MYRIP: variants seen among roughly 807,000 people sequenced by gnomAD.
MYRIP encodes the protein myosin VIIA and Rab interacting protein, also known as rab effector MyRIP.
Under a neutral mutation model 98.0 loss-of-function variants are expected in MYRIP, and 49 were observed. That is an observed-to-expected ratio of 0.50 (90% CI 0.40 to 0.63). The LOEUF is 0.63. Among genes scored for constraint, MYRIP ranks in the 30% least tolerant of loss-of-function variants. The pLI, the probability that MYRIP is intolerant of heterozygous loss-of-function variation, is 0.00. For missense variants in MYRIP, 1,004 were observed against 1,058.2 expected (o/e 0.95, Z 0.71); for synonymous variants, 404 against 409.5 (o/e 0.99, Z 0.16).
chr3:39,957,350 C>A (rs1195713612), intron 2 of MYRIP, among the ~76,000 whole-genome samples: 1 of 149,926 alleles, frequency 6.7e-6, no homozygotes, highest in Non-Finnish European at 1.5e-5. Context: ...GGGCTTCATC[C>A]CTGGGATGCA....
chr3:39,870,109 A>G (rs1054642751), intron 1 of MYRIP, among the ~76,000 whole-genome samples: 4 of 152,142 alleles, frequency 2.6e-5, no homozygotes, highest in African/African-American at 4.8e-5. Flanking sequence ...GGCAAGGGCA[A>G]GGGCAGGGGC....
intron 2 of MYRIP, among the ~76,000 whole-genome samples, chr3:39,985,148 T>C (rs34150582): frequency 0.27 from 41,569 of 151,454 alleles, 6,356 homozygotes; most frequent in Non-Finnish European, 0.35. Flanking sequence ...TCACAAGCAT[T>C]CTTATACACC....
In MYRIP at chr3:39,816,896, TC is replaced by T. The variant is rs562400928; in HGVS notation, c.-31+6981del. 1.8e-3 allele frequency among the ~76,000 whole-genome samples: 276 copies of T among 152,312 alleles called. 1 individual carries two copies. The highest frequency in any genetic ancestry group is 3.5e-3 in the Admixed American group (54 of 15,300). ...TTATAAAATATTCATTTTCTGAATCTCACTAGTTATTAAGCCTCTGTAATGA... is the reference window on the plus strand; with the variant it reads ...TTATAAAATATTCATTTTCTGAATCTACTAGTTATTAAGCCTCTGTAATGA... On this transcript the variant is annotated intron_variant, in intron 1 of 16. Transcript: ENST00000302541.
chr3:40,052,030 T>C (rs1307301608), intron 3 of MYRIP, among the ~76,000 whole-genome samples: 1 of 152,196 alleles, frequency 6.6e-6, no homozygotes, highest in Non-Finnish European at 1.5e-5. Flanking sequence ...TTCTTTGTGT[T>C]GAAAATGTTA....
intron 9 of MYRIP, among the ~76,000 whole-genome samples, chr3:40,184,739 A>G (rs1322945565): frequency 6.6e-6 from 1 of 152,226 alleles, no homozygotes; most frequent in Non-Finnish European, 1.5e-5. Context: ...TTGCAAAGGA[A>G]TTTTGTTTTC....
intron 2 of MYRIP, among the ~76,000 whole-genome samples, chr3:39,944,791 CT>C (rs1486614105): frequency 3.9e-5 from 6 of 152,066 alleles, no homozygotes; most frequent in African/African-American, 1.4e-4. Flanking sequence ...AATAACACAA[CT>C]GTATATACAA....
At chr3:40,188,395 A>G (rs1353602258) in intron 9 of MYRIP, among the ~76,000 whole-genome samples, 2 of 151,940 alleles carry the variant, frequency 1.3e-5, no homozygotes, top group Non-Finnish European at 1.5e-5. Flanking sequence ...AGATGTCCAC[A>G]CACAAACTGG....
chr3:39,989,556 G>A (rs567790608), intron 2 of MYRIP, among the ~76,000 whole-genome samples: 6 of 152,350 alleles, frequency 3.9e-5, no homozygotes, highest in Admixed American at 1.3e-4. Flanking sequence ...TGGATTGGGC[G>A]TGCTTCACTG....
chr3:39,828,450 A>G (rs1311011174), intron 1 of MYRIP, among the ~76,000 whole-genome samples: 2 of 151,668 alleles, frequency 1.3e-5, no homozygotes, highest in Non-Finnish European at 2.9e-5. Flanking sequence ...ATGATTTTGA[A>G]TTATTTCTGG....
intron 3 of MYRIP, among the ~76,000 whole-genome samples, chr3:40,131,272 G>C (rs961877260): frequency 4.6e-5 from 7 of 152,066 alleles, no homozygotes; most frequent in African/African-American, 1.7e-4. Flanking sequence ...TTTACATTCT[G>C]TACCAACTCT....
intron 2 of MYRIP, among the ~76,000 whole-genome samples, chr3:39,968,955 G>C (rs1945509630): frequency 6.6e-6 from 1 of 152,120 alleles, no homozygotes; most frequent in African/African-American, 2.4e-5. Flanking sequence ...TCCTATCCAT[G>C]AGCATGGAAT....
chr3:40,113,455 T>G (rs1429040952), intron 3 of MYRIP, among the ~76,000 whole-genome samples: 1 of 151,582 alleles, frequency 6.6e-6, no homozygotes, highest in Non-Finnish European at 1.5e-5. Context: ...AAGAAGAAAG[T>G]TTATTAAAAA....
At chr3:39,933,355 G>A (rs1384599809) in intron 2 of MYRIP, among the ~76,000 whole-genome samples, 1 of 152,196 alleles carries the variant, frequency 6.6e-6, no homozygotes, top group Admixed American at 6.5e-5. Context: ...ATCTGAAATT[G>A]TACAGAAAAT....
At chr3:39,842,555 C>T (rs1941834923) in intron 1 of MYRIP, among the ~76,000 whole-genome samples, 1 of 152,136 alleles carries the variant, frequency 6.6e-6, no homozygotes, top group Non-Finnish European at 1.5e-5. Context: ...AAGGGCTGCC[C>T]AACTTTGTGG....
At chr3:39,984,358 C>T (rs1311845747) in intron 2 of MYRIP, among the ~76,000 whole-genome samples, 1 of 152,046 alleles carries the variant, frequency 6.6e-6, no homozygotes, top group African/African-American at 2.4e-5. Context: ...GTATATCTCC[C>T]AATGCTGTCC....
intron 12 of MYRIP, among the ~76,000 whole-genome samples, chr3:40,243,757 C>A (rs1575674636): frequency 6.6e-6 from 1 of 152,150 alleles, no homozygotes; most frequent in Non-Finnish European, 1.5e-5. Flanking sequence ...ATGGGAATAA[C>A]CTTATAAACC....
chr3:40,062,168 C>T (rs1188659652), intron 3 of MYRIP, among the ~76,000 whole-genome samples: 1 of 152,106 alleles, frequency 6.6e-6, no homozygotes, highest in African/African-American at 2.4e-5. Context: ...GAAATGTTTG[C>T]CTGTTCCTGT....
chr3:40,019,754 T>G lies in MYRIP; in HGVS notation c.111-24296T>G, dbSNP rs186562381. On this transcript the variant is annotated intron_variant, in intron 2 of 16. Transcript: ENST00000302541. ...TTTTTGTTAGACAACACATAAAATGTGTTTTTTTTTTAAGTGTGAATTACC... is the reference window on the plus strand; with the variant it reads ...TTTTTGTTAGACAACACATAAAATGGGTTTTTTTTTTAAGTGTGAATTACC... Among the ~76,000 whole-genome samples, 453 of 149,256 alleles carry G rather than the reference T, an allele frequency of 3.0e-3. 1 individual carries two copies. The highest frequency in any genetic ancestry group is 4.9e-3 in the Non-Finnish European group (332 of 67,686).
At chr3:40,109,185 T>G (rs534747738) in intron 3 of MYRIP, among the ~76,000 whole-genome samples, 1 of 152,338 alleles carries the variant, frequency 6.6e-6, no homozygotes, top group South Asian at 2.1e-4. Context: ...TGGCCCTTTC[T>G]CTTGGGATCT....
Sources: gnomAD v4.1 joint callset for allele counts (sites outside exome capture counted in the v4.1 genomes callset) on GRCh38, gnomAD v4.1.1 for gene constraint, MANE v1.5 for transcripts, NCBI Gene and HGNC (gene_info 2026-07-23, HGNC 2026-07-21) for gene names.